Variants in SCUBE2 observed in about 807,000 individuals in gnomAD.
The protein encoded by SCUBE2 is signal peptide, CUB and EGF-like domain-containing protein 2.
Under a neutral mutation model 125.9 loss-of-function variants are expected in SCUBE2, and 114 were observed. That is an observed-to-expected ratio of 0.91 (90% CI 0.78 to 1.06). The LOEUF (loss-of-function observed/expected upper bound fraction) is 1.06, where lower values mean the gene tolerates loss of function less well. SCUBE2 is among the 50% of genes least tolerant of loss of function. The pLI, the probability that SCUBE2 is intolerant of heterozygous loss-of-function variation, is 0.00. For synonymous variants in SCUBE2, 459 were observed against 492.9 expected (o/e 0.93, Z 0.91); for missense variants, 1,255 against 1,301.8 (o/e 0.96, Z 0.55).
At chr11:9,069,298 G>T in intron 5 of SCUBE2, 72 bp downstream of exon 5, 1 of 1,592,200 alleles carries the variant, frequency 6.3e-7, no homozygotes. Flanking sequence ...TGGTGCTTCT[G>T]AGCTGGGCCA....
At chr11:9,082,586 C>T (rs969715874) in intron 2 of SCUBE2, among the ~76,000 whole-genome samples, 1 of 151,994 alleles carries the variant, frequency 6.6e-6, no homozygotes, top group Non-Finnish European at 1.5e-5. Context: ...TGCCTATTAA[C>T]TGATAAATGG....
Position 9,070,820 on chromosome 11 carries a change from A to C in SCUBE2, c.518-1325T>G, listed in dbSNP as rs978885900. Reference sequence around the variant, plus strand: ...ATTCCAGAAGACAGTGCAAGGGTTAATATATCCCATACTTTCTGGAGTCTC... The same window carrying C: ...ATTCCAGAAGACAGTGCAAGGGTTACTATATCCCATACTTTCTGGAGTCTC... On this transcript the variant is annotated intron_variant, in intron 4 of 22. Coordinates refer to ENST00000649792, the MANE Select transcript of SCUBE2 (RefSeq NM_001367977.2). Among the ~76,000 whole-genome samples, 139 of 152,212 alleles carry C rather than the reference A, an allele frequency of 9.1e-4. 9 individuals carry two copies. Among genetic ancestry groups the C allele is most frequent in the Non-Finnish European group, 4.9e-4 (33 of 68,036 alleles).
At chr11:9,090,510 G>A (rs1390846249) in intron 1 of SCUBE2, 1 of 139,330 alleles carries the variant, frequency 7.2e-6, no homozygotes, top group African/African-American at 2.6e-5. Flanking sequence ...TTGCTCATCA[G>A]CTGTCGTTTG....
In SCUBE2 at chr11:9,053,221, C is replaced by T. The variant is rs752869353; in HGVS notation, c.1331-6G>A. 3.7e-6 allele frequency: 6 copies of T among 1,604,108 alleles called. No homozygotes were observed. ...GGGCAGGAGCCCCTTCACTTCTAGA[C>T]AGGACAAAACAGACACTTACAGAAA... On this transcript the variant is annotated splice_region_variant and splice_polypyrimidine_tract_variant and intron_variant, in intron 11 of 22. Coordinates refer to ENST00000649792, the MANE Select transcript of SCUBE2 (RefSeq NM_001367977.2).
intron 1 of SCUBE2, chr11:9,090,491 T>A (rs545354170): frequency 1.9e-5 from 2 of 105,442 alleles, no homozygotes; most frequent in South Asian, 5.8e-4. Flanking sequence ...ATTTATTTAT[T>A]TTTTTTTTTT....
At chr11:9,047,032 G>A (rs954640028) in intron 16 of SCUBE2, among the ~76,000 whole-genome samples, 1 of 152,200 alleles carries the variant, frequency 6.6e-6, no homozygotes, top group African/African-American at 2.4e-5. Flanking sequence ...CTTGGGACCA[G>A]AGCACAGGCT....
At chr11:9,035,272 C>G (rs1467654104) in intron 16 of SCUBE2, among the ~76,000 whole-genome samples, 1 of 152,114 alleles carries the variant, frequency 6.6e-6, no homozygotes, top group African/African-American at 2.4e-5. Flanking sequence ...CAACACAGCC[C>G]TAAGGATCTA....
In SCUBE2 at chr11:9,029,875, G is replaced by C; in HGVS notation, c.2503+9C>G. 1 of 1,614,112 alleles carries C rather than the reference G, an allele frequency of 6.2e-7. No homozygotes were observed. Among genetic ancestry groups the C allele is most frequent in the Non-Finnish European group, 8.5e-7 (1 of 1,180,000 alleles). On this transcript the variant is annotated intron_variant, in intron 19 of 22. Coordinates refer to ENST00000649792, the MANE Select transcript of SCUBE2 (RefSeq NM_001367977.2). ...CCAGAACTATGAAAAGCCTTAGAGA[G>C]GGACCTACTTTTACACTGGGTTATG...
chr11:9,085,979 C>T (rs1345025222), intron 2 of SCUBE2, among the ~76,000 whole-genome samples: 4 of 151,872 alleles, frequency 2.6e-5, no homozygotes, highest in East Asian at 3.9e-4. Flanking sequence ...ACTATAGGCA[C>T]GCACCACTAC....
In SCUBE2 at chr11:9,023,829, C is replaced by T. The variant is rs143489688; in HGVS notation, c.2854+1873G>A. ...GGAAAGCACCATGTAAAAGTCACTT[C>T]AGCATGTACCTGGCAGTCAGCAATG... On this transcript the variant is annotated intron_variant, in intron 21 of 22. Transcript: ENST00000649792. Among the ~76,000 whole-genome samples the T allele has an allele frequency of 2.6e-5, 4 of 152,310 alleles. No homozygotes were observed. In the East Asian group the frequency reaches 7.7e-4, roughly 29 times the overall value.
intron 19 of SCUBE2, among the ~76,000 whole-genome samples, chr11:9,027,808 C>T (rs957789705): frequency 3.3e-5 from 5 of 152,120 alleles, no homozygotes; most frequent in African/African-American, 9.7e-5. Flanking sequence ...AAAGTGTTCA[C>T]GGTCAGGGCA....
chr11:9,053,856 T>G, intron 10 of SCUBE2, 97 bp from the exon 11 acceptor site: 1 of 1,459,204 alleles, frequency 6.9e-7, no homozygotes, highest in South Asian at 1.3e-5. Context: ...AGTCACAAGG[T>G]TGAAACTCAC....
chr11:9,066,913 T>C, intron 5 of SCUBE2, 100 bp from the exon 6 acceptor site: 1 of 986,692 alleles, frequency 1.0e-6, no homozygotes. Flanking sequence ...TGCAAGTATT[T>C]GAGCACCTAG....
chr11:9,035,645 G>T (rs914741810), intron 16 of SCUBE2, among the ~76,000 whole-genome samples: 5 of 151,832 alleles, frequency 3.3e-5, no homozygotes, highest in African/African-American at 1.2e-4. Context: ...TATTCTTAGG[G>T]TTAAACATGG....
In SCUBE2 at chr11:9,051,818, T is replaced by C. The variant is rs115573440; in HGVS notation, c.1534+928A>G. Among the ~76,000 whole-genome samples, 438 of 152,360 alleles carry C rather than the reference T, an allele frequency of 2.9e-3. 6 individuals carry two copies. Among genetic ancestry groups the C allele is most frequent in the African/African-American group, 9.9e-3 (412 of 41,592 alleles). On this transcript the variant is annotated intron_variant, in intron 13 of 22. Coordinates refer to ENST00000649792, the MANE Select transcript of SCUBE2 (RefSeq NM_001367977.2). ...TAATAACTGCATAGCCATTAGCTATTTGCTTGCCCCACCTTGGGGTGGCCC... is the reference window on the plus strand; with the variant it reads ...TAATAACTGCATAGCCATTAGCTATCTGCTTGCCCCACCTTGGGGTGGCCC...
intron 6 of SCUBE2, among the ~76,000 whole-genome samples, chr11:9,066,277 G>T (rs1255270502): frequency 6.6e-6 from 1 of 152,200 alleles, no homozygotes; most frequent in Admixed American, 6.5e-5. Context: ...AGAGCCTTGG[G>T]CCTGGAAACC....
rs181065376 is a variant in SCUBE2, at chr11:9,069,514, C to G, written c.518-19G>C. On this transcript the variant is annotated intron_variant, in intron 4 of 22. Coordinates refer to ENST00000649792, the MANE Select transcript of SCUBE2 (RefSeq NM_001367977.2). ...AGGCCCTCTGAAAAACAGCAGTGTG[C>G]GACAGGTGACTAGGCTGTGGTCAGA... 1 of 1,613,776 alleles carries G rather than the reference C, an allele frequency of 6.2e-7. No individual in the cohort carries two copies. The highest frequency in any genetic ancestry group is 8.5e-7 in the Non-Finnish European group (1 of 1,179,748).
chr11:9,071,421 C>T (rs1258582026), intron 4 of SCUBE2, among the ~76,000 whole-genome samples: 1 of 152,200 alleles, frequency 6.6e-6, no homozygotes, highest in Admixed American at 6.5e-5. Flanking sequence ...GTTACCAAGA[C>T]ATAATAGAGA....
At chr11:9,077,952 T>C (rs1050828815) in intron 3 of SCUBE2, among the ~76,000 whole-genome samples, 6 of 152,180 alleles carry the variant, frequency 3.9e-5, no homozygotes, top group East Asian at 1.9e-4. Flanking sequence ...TGGTTCTTGC[T>C]CTTAGGAACC....
Sources: gnomAD v4.1 joint callset for allele counts (sites outside exome capture counted in the v4.1 genomes callset) on GRCh38, gnomAD v4.1.1 for gene constraint, MANE v1.5 for transcripts, NCBI Gene and HGNC (gene_info 2026-07-23, HGNC 2026-07-21) for gene names.